The following ZNF678 variants were observed in gnomAD, a reference collection of about 807,000 sequenced individuals.
The protein encoded by ZNF678 is zinc finger protein 678.
In ZNF678, 5 loss-of-function variants were observed where a neutral mutation model predicts 3.0. The ratio of observed to expected loss-of-function variants is 1.69; its 90% CI spans 0.88 to 3.56. The LOEUF (loss-of-function observed/expected upper bound fraction) is 3.56, where lower values mean the gene tolerates loss of function less well. Among genes scored for constraint, ZNF678 ranks in the 30% most tolerant of loss-of-function variants. The pLI is 0.00. For synonymous variants in ZNF678, 218 were observed against 199.6 expected, an observed-to-expected ratio of 1.09 and a Z score of -0.78; for missense variants, 593 against 605.0, an observed-to-expected ratio of 0.98 and a Z score of 0.21.
intron 1 of ZNF678, among the ~76,000 whole-genome samples, chr1:227,584,194 T>C (rs1657202873): frequency 6.6e-6 from 1 of 152,232 alleles, no homozygotes; most frequent in Admixed American, 6.5e-5. Flanking sequence ...TTGAATTATT[T>C]GTTCATTTGT....
chr1:227,598,318 A>G (rs1374634661), intron 1 of ZNF678: 2 of 1,208,942 alleles, frequency 1.7e-6, no homozygotes, highest in Middle Eastern at 6.4e-4. Context: ...ATAATTCTAA[A>G]CACAAGAAAA....
At chr1:227,569,162 A>T (rs1358851662) in intron 1 of ZNF678, among the ~76,000 whole-genome samples, 1 of 152,130 alleles carries the variant, frequency 6.6e-6, no homozygotes, top group Non-Finnish European at 1.5e-5. Context: ...GCTAATTTGT[A>T]AAGTTTTTGT....
chr1:227,630,836 G>T (rs1292519910), intron 1 of ZNF678, among the ~76,000 whole-genome samples: 1 of 152,288 alleles, frequency 6.6e-6, no homozygotes, highest in African/African-American at 2.4e-5. Flanking sequence ...GACTCTGAGA[G>T]CTTCCTGTAG....
chr1:227,575,848 T>C (rs1293997888), intron 1 of ZNF678, among the ~76,000 whole-genome samples: 1 of 152,200 alleles, frequency 6.6e-6, no homozygotes, highest in Non-Finnish European at 1.5e-5. Context: ...GCTTCAAGCT[T>C]TTGCCCATTC....
intron 1 of ZNF678, 112 bp from the exon 2 acceptor site, chr1:227,646,432 C>G (rs1484443884): frequency 9.6e-7 from 1 of 1,041,864 alleles, no homozygotes; most frequent in Non-Finnish European, 1.3e-6. Context: ...CAATGTCTTA[C>G]TGGACAGTTT....
chr1:227,601,040 T>C (rs1657724780), intron 1 of ZNF678, among the ~76,000 whole-genome samples: 1 of 152,224 alleles, frequency 6.6e-6, no homozygotes, highest in Non-Finnish European at 1.5e-5. Context: ...TCTTTATTCA[T>C]TGCATGTTTT....
In ZNF678 at chr1:227,640,824, T is replaced by C. The variant is rs1658801778; in HGVS notation, c.-163-5720T>C. 2.0e-5 allele frequency among the ~76,000 whole-genome samples: 3 copies of C among 152,032 alleles called. No individual in the cohort carries two copies. In the South Asian group the frequency reaches 6.2e-4, roughly 32 times the overall value. On this transcript the variant is annotated intron_variant, in intron 1 of 3. Coordinates refer to ENST00000343776, the MANE Select transcript of ZNF678 (RefSeq NM_001367909.1). The stretch of plus-strand genomic sequence containing the variant: ...GAGTTTCCCATAACGGAGGGTAGGC[T>C]TGGGAGAACAGGGAAAAGGAGACCA...
chr1:227,611,163 C>T (rs1480753181), intron 1 of ZNF678, among the ~76,000 whole-genome samples: 1 of 152,338 alleles, frequency 6.6e-6, no homozygotes, highest in Admixed American at 6.5e-5. Context: ...TAGTCCTCCA[C>T]TGGCTCATGA....
At chr1:227,663,528 G>A (rs967119521), downstream of ZNF678, among the ~76,000 whole-genome samples, 1 of 152,174 alleles carries the variant, frequency 6.6e-6, no homozygotes, top group African/African-American at 2.4e-5. Context: ...CTCCCCTTTT[G>A]TAAACACTTC....
At chr1:227,582,386 T>C (rs1232762052) in intron 1 of ZNF678, 1 of 153,284 alleles carries the variant, frequency 6.5e-6, no homozygotes, top group African/African-American at 2.4e-5. Flanking sequence ...TTGTCATAGC[T>C]GACTGTAGCC....
chr1:227,663,164 A>C (rs1455441638), downstream of ZNF678, among the ~76,000 whole-genome samples: 2 of 152,226 alleles, frequency 1.3e-5, no homozygotes, highest in African/African-American at 4.8e-5. Context: ...GCTTGATGTC[A>C]GGTTCCTAGC....
chr1:227,569,613 A>G (rs1656783219), intron 1 of ZNF678, among the ~76,000 whole-genome samples: 1 of 152,136 alleles, frequency 6.6e-6, no homozygotes, highest in Non-Finnish European at 1.5e-5. Flanking sequence ...TACTCTGTAT[A>G]AACAAAACTG....
intron 5 of ZNF678, among the ~76,000 whole-genome samples, chr1:227,667,539 T>G (rs1461954817): frequency 6.6e-6 from 1 of 152,176 alleles, no homozygotes; most frequent in African/African-American, 2.4e-5. Context: ...ACGAGGAGAT[T>G]GGTGACCCCA....
At chr1:227,563,866 C>T (rs1275237858) in intron 1 of ZNF678, 142 bp downstream of exon 1, 10 of 729,340 alleles carry the variant, frequency 1.4e-5, no homozygotes, top group Non-Finnish European at 1.9e-5. Context: ...CCGCGGGATT[C>T]TCCTCCCATC....
At chr1:227,575,444 T>C (rs1396895057) in intron 1 of ZNF678, among the ~76,000 whole-genome samples, 1 of 152,196 alleles carries the variant, frequency 6.6e-6, no homozygotes, top group African/African-American at 2.4e-5. Flanking sequence ...GTTCTCCTTG[T>C]AGAGATCTTT....
In ZNF678 at chr1:227,594,633, C is replaced by A. The variant is rs898289030; in HGVS notation, c.-164+30909C>A. Among the ~76,000 whole-genome samples the A allele has an allele frequency of 2.6e-5, 4 of 152,170 alleles. No homozygotes were observed. In the East Asian group the frequency reaches 7.7e-4, roughly 29 times the overall value. The stretch of plus-strand genomic sequence containing the variant: ...TATAGTCTTATGCCTCCTTATAATT[C>A]TTTTACCAGAGGTATATTTTACTTT... On this transcript the variant is annotated intron_variant, in intron 1 of 3. Transcript: ENST00000343776.
chr1:227,633,976 T>C (rs573953276), intron 1 of ZNF678, among the ~76,000 whole-genome samples: 1 of 152,242 alleles, frequency 6.6e-6, no homozygotes. Context: ...TTCCTTCCAC[T>C]TGAGGTGAGG....
Position 227,572,681 on chromosome 1 carries a change from G to T in ZNF678, c.-164+8957G>T, listed in dbSNP as rs533191646. 6.6e-5 allele frequency among the ~76,000 whole-genome samples: 10 copies of T among 152,280 alleles called. No homozygotes were observed. The South Asian group carries it at 1.9e-3, about 28-fold the overall frequency. Reference sequence around the variant, plus strand: ...TCAGCTAAGGCCTAAAGTTGTAAAGGGGCCTTTCCGGAGCCCCAAGTGTGC... The same window carrying T: ...TCAGCTAAGGCCTAAAGTTGTAAAGTGGCCTTTCCGGAGCCCCAAGTGTGC... On this transcript the variant is annotated intron_variant, in intron 1 of 3. Coordinates refer to ENST00000343776, the MANE Select transcript of ZNF678 (RefSeq NM_001367909.1).
At chr1:227,643,374 G>A (rs1050244784) in intron 1 of ZNF678, among the ~76,000 whole-genome samples, 9 of 152,164 alleles carry the variant, frequency 5.9e-5, no homozygotes, top group African/African-American at 2.2e-4. Context: ...TGAAAGTCAG[G>A]TTTCTCATGG....
Sources: gnomAD v4.1 joint callset for allele counts (sites outside exome capture counted in the v4.1 genomes callset) on GRCh38, gnomAD v4.1.1 for gene constraint, MANE v1.5 for transcripts, NCBI Gene and HGNC (gene_info 2026-07-23, HGNC 2026-07-21) for gene names.